Variants in SRSF9 observed in about 807,000 individuals in gnomAD.
SRSF9 encodes the protein serine and arginine rich splicing factor 9, also known as serine/arginine-rich splicing factor 9.
SRSF9 carries 3 observed loss-of-function variants against 25.9 expected under a neutral mutation model. The ratio of observed to expected loss-of-function variants is 0.12; its 90% CI spans 0.05 to 0.30. The LOEUF (loss-of-function observed/expected upper bound fraction) is 0.30, where lower values mean the gene tolerates loss of function less well. Among genes scored for constraint, SRSF9 ranks in the 10% least tolerant of loss-of-function variants. The probability of loss-of-function intolerance (pLI) is 1.00; values close to 1 mark genes in which losing one functional copy is unlikely to be tolerated. For synonymous variants in SRSF9, 114 were observed against 113.2 expected, an observed-to-expected ratio of 1.01 and a Z score of -0.05; for missense variants, 161 against 303.5, an observed-to-expected ratio of 0.53 and a Z score of 3.49.
chr12:120,467,287 T>C (rs542279479), intron 1 of SRSF9, among the ~76,000 whole-genome samples: 5 of 152,116 alleles, frequency 3.3e-5, no homozygotes, highest in Non-Finnish European at 7.4e-5. Flanking sequence ...TCACTTGAGG[T>C]TAGCAGCTTG....
intron 1 of SRSF9, 90 bp downstream of exon 1, chr12:120,469,332 G>T: frequency 2.3e-6 from 2 of 888,272 alleles, no homozygotes; most frequent in Non-Finnish European, 3.2e-6. Context: ...AGGGGAGGCC[G>T]GGGGGAGGGG....
rs992742824 is a variant in SRSF9, at chr12:120,469,357, G to A, written c.188+65C>T. The A allele has an allele frequency of 8.3e-6, 11 of 1,328,108 alleles. No homozygotes were observed. In the African/African-American group the frequency reaches 1.5e-4, roughly 18 times the overall value. 82.3% of individuals were successfully genotyped at this position (1,328,108 alleles called of 1,614,324 possible). A position where few individuals can be genotyped will look rare whatever the true frequency, so the allele number is the denominator to read the frequency against. Reference sequence around the variant, plus strand: ...GGGGGGAGGGGAGCCCTGGGGGAGGGGACAGCAGGGAAGGCGGGGGCCTCA... The same window carrying A: ...GGGGGGAGGGGAGCCCTGGGGGAGGAGACAGCAGGGAAGGCGGGGGCCTCA... On this transcript the variant is annotated intron_variant, in intron 1 of 3. Transcript: ENST00000229390.
chr12:120,468,759 G>A (rs1422177351), intron 1 of SRSF9, among the ~76,000 whole-genome samples: 1 of 152,198 alleles, frequency 6.6e-6, no homozygotes, highest in East Asian at 1.9e-4. Flanking sequence ...TCCTTAGAGC[G>A]GGGTTAGGAA....
chr12:120,469,377 G>C, intron 1 of SRSF9, 45 bp downstream of exon 1: 1 of 1,484,720 alleles, frequency 6.7e-7, no homozygotes, highest in Non-Finnish European at 9.1e-7. Flanking sequence ...GAAGGCGGGG[G>C]CCTCAGGCAC....
At chr12:120,468,158 G>A (rs948241741) in intron 1 of SRSF9, among the ~76,000 whole-genome samples, 3 of 144,882 alleles carry the variant, frequency 2.1e-5, no homozygotes, top group Non-Finnish European at 4.5e-5. Flanking sequence ...TACAGGCTGG[G>A]CGGGTTGCTC....
intron 2 of SRSF9, 156 bp downstream of exon 2, chr12:120,465,471 C>A: frequency 1.4e-6 from 1 of 728,436 alleles, no homozygotes; most frequent in Non-Finnish European, 2.0e-6. Flanking sequence ...GGATACTTTC[C>A]TCATTGGCAA....
intron 2 of SRSF9, chr12:120,464,946 A>G (rs987435647): frequency 1.3e-5 from 2 of 152,212 alleles, no homozygotes; most frequent in African/African-American, 4.8e-5. Context: ...TACTGAGAGT[A>G]TCACTCTTAA....
At chr12:120,464,189 C>T in intron 2 of SRSF9, 67 bp from the exon 3 acceptor site, 1 of 1,532,962 alleles carries the variant, frequency 6.5e-7, no homozygotes, top group Non-Finnish European at 8.8e-7. Context: ...TAAGAGCCAG[C>T]AATACCTATG....
intron 1 of SRSF9, among the ~76,000 whole-genome samples, chr12:120,469,109 G>A (rs186071556): frequency 1.4e-4 from 21 of 152,314 alleles, no homozygotes; most frequent in Non-Finnish European, 2.2e-4. Flanking sequence ...CCAGGCAGGA[G>A]GCGGACAAGG....
intron 1 of SRSF9, among the ~76,000 whole-genome samples, chr12:120,466,051 G>A (rs1255029266): frequency 6.6e-6 from 1 of 151,950 alleles, no homozygotes; most frequent in Non-Finnish European, 1.5e-5. Flanking sequence ...CTCATAAGAG[G>A]GCTAATTCAG....
chr12:120,469,410 CG>C lies in SRSF9; in HGVS notation c.188+11del, dbSNP rs550140977. The C allele has an allele frequency of 2.6e-4, 399 of 1,552,436 alleles. 5 individuals carry two copies. In the African/African-American group the frequency reaches 4.0e-3, roughly 15 times the overall value. ...CACCGAGGAGGAGAGGGCAGGGGCG[CG>C]GGGGCCTCACCGGGGGTCCTCGAAG... On this transcript the variant is annotated intron_variant, in intron 1 of 3. Coordinates refer to ENST00000229390, the MANE Select transcript of SRSF9 (RefSeq NM_003769.3).
In SRSF9 at chr12:120,469,441, C is replaced by A. The variant is rs749494544; in HGVS notation, c.169G>T (p.Val57Leu). The change falls in exon 1 of 4, where the codon GTG (valine) becomes TTG (leucine). Residue 57 changes from valine to leucine, a missense_variant. Physicochemically the swap from Val to Leu is conservative, Grantham distance 32. This residue lies in a region of SRSF9 where 99 missense variants were observed against 156.7 expected (regional missense o/e 0.63). Transcript: ENST00000229390. ...NRHGLVPFAFVRFEDPRDAED... is the reference protein window; with the variant it reads ...NRHGLVPFAFLRFEDPRDAED... Reference sequence around the variant, plus strand: ...CCTCACCGGGGGTCCTCGAAGCGCACGAAGGCGAAGGGCACGAGGCCGTGC... The same window carrying A: ...CCTCACCGGGGGTCCTCGAAGCGCAAGAAGGCGAAGGGCACGAGGCCGTGC... 1.1e-5 allele frequency: 18 copies of A among 1,584,786 alleles called. No individual in the cohort carries two copies. The highest frequency in any genetic ancestry group is 1.5e-5 in the Non-Finnish European group (18 of 1,166,778).
rs76732633 is a variant in SRSF9 at position 120,465,798 on chromosome 12, C to A, written c.189-11G>T. The A allele has an allele frequency of 1.9e-3, 2,893 of 1,561,990 alleles. 49 individuals are homozygous for A. The African/African-American group carries it at 0.036, about 20-fold the overall frequency. The stretch of plus-strand genomic sequence containing the variant: ...GCATCCTCTGCATCTCTAAAAAAAA[C>A]AACAACAACAAAAAAAACGTTTGGA... On this transcript the variant is annotated splice_polypyrimidine_tract_variant and intron_variant, in intron 1 of 3. Coordinates refer to ENST00000229390, the MANE Select transcript of SRSF9 (RefSeq NM_003769.3).
chr12:120,465,866 G>T, intron 1 of SRSF9, 79 bp from the exon 2 acceptor site: 1 of 1,381,206 alleles, frequency 7.2e-7, no homozygotes, highest in Non-Finnish European at 9.7e-7. Flanking sequence ...CAAGTGAGGG[G>T]CATGAGTAGT....
At chr12:120,468,719 G>A (rs916810651) in intron 1 of SRSF9, among the ~76,000 whole-genome samples, 1 of 152,190 alleles carries the variant, frequency 6.6e-6, no homozygotes, top group Non-Finnish European at 1.5e-5. Flanking sequence ...CCGGCCTGAG[G>A]GCCGACGCTG....
rs1430790675 is a variant in SRSF9, at chr12:120,462,209, A to G, written c.523-47T>C. 2.6e-6 allele frequency: 4 copies of G among 1,559,496 alleles called. No individual in the cohort carries two copies. The Admixed American group carries it at 7.8e-5, about 31-fold the overall frequency. On this transcript the variant is annotated intron_variant, in intron 3 of 3. Coordinates refer to ENST00000229390, the MANE Select transcript of SRSF9 (RefSeq NM_003769.3). ...AAAGAGTAAAGGGGAAAAAAATCAGAGCCAGAAGAATAAGCAAACCAACAT... is the reference window on the plus strand; with the variant it reads ...AAAGAGTAAAGGGGAAAAAAATCAGGGCCAGAAGAATAAGCAAACCAACAT...
chr12:120,465,494 C>G, intron 2 of SRSF9, 133 bp downstream of exon 2: 1 of 993,756 alleles, frequency 1.0e-6, no homozygotes, highest in South Asian at 2.5e-5. Flanking sequence ...CAGGGCAAGG[C>G]TTCACACAGG....
rs760167949 is a variant in SRSF9 at position 120,462,057 on chromosome 12, C to T, written c.628G>A (p.Gly210Ser). The change falls in exon 4 of 4, where the codon GGT (glycine) becomes AGT (serine). Residue 210 changes from glycine (G) to serine (S), a missense_variant. Gly to Ser is a moderately conservative substitution (Grantham distance 56). This residue lies in a region of SRSF9 where 21 missense variants were observed against 20.1 expected (regional missense o/e 1.05). Coordinates refer to ENST00000229390, the MANE Select transcript of SRSF9 (RefSeq NM_003769.3). ...AAAGGAGAGAAGTAGTGTGGGGAAC[C>T]CCTGCTTTGGTATGGAGAGTCACGG... is the stretch of plus-strand genomic sequence containing the variant. ...RGRDSPYQSR[G>S]SPHYFSPFRP... 3.1e-6 allele frequency: 5 copies of T among 1,611,548 alleles called. No individual in the cohort carries two copies. Among genetic ancestry groups the T allele is most frequent in the Non-Finnish European group, 3.4e-6 (4 of 1,179,746 alleles).
chr12:120,463,855 G>T, intron 3 of SRSF9, 95 bp downstream of exon 3: 1 of 1,422,338 alleles, frequency 7.0e-7, no homozygotes, highest in Non-Finnish European at 9.5e-7. Context: ...GTACTGTGAG[G>T]TTACCAAATG....
Sources: gnomAD v4.1 joint callset for allele counts (sites outside exome capture counted in the v4.1 genomes callset) on GRCh38, gnomAD v4.1.1 for gene constraint, gnomAD v4.1.1 regional missense constraint, MANE v1.5 for transcripts, NCBI Gene and HGNC (gene_info 2026-07-23, HGNC 2026-07-21) for gene names.